BCL2: variants seen among roughly 807,000 people sequenced by gnomAD.
BCL2 encodes apoptosis regulator Bcl-2.
BCL2 carries 1 observed loss-of-function variant against 14.2 expected under a neutral mutation model. That is an observed-to-expected ratio of 0.07 (90% CI 0.02 to 0.33). The LOEUF is 0.33. BCL2 is among the 10% of genes least tolerant of loss of function. The probability of loss-of-function intolerance (pLI) is 0.99; values close to 1 mark genes in which losing one functional copy is unlikely to be tolerated. For missense variants in BCL2, 247 were observed against 305.9 expected, an observed-to-expected ratio of 0.81 and a Z score of 1.44; for synonymous variants, 151 against 137.2, an observed-to-expected ratio of 1.10 and a Z score of -0.70.
At position 63,150,706 on chromosome 18, in the gene BCL2, GA is replaced by G. The variant is rs137982378; in HGVS notation, c.586-21948del. The stretch of plus-strand genomic sequence containing the variant: ...TGATATTCCAGCAGTCTCCAGGTAG[GA>G]AAAAAGAAGTCGATTTAAATATGAA... On this transcript the variant is annotated intron_variant, in intron 2 of 2. Coordinates refer to ENST00000333681, the MANE Select transcript of BCL2 (RefSeq NM_000633.3). Among the ~76,000 whole-genome samples the G allele has an allele frequency of 9.6e-3, 1,463 of 152,196 alleles. 28 individuals are homozygous for G. Among genetic ancestry groups the G allele is most frequent in the African/African-American group, 0.034 (1,399 of 41,536 alleles).
chr18:63,302,566 G>A (rs1233321945), intron 2 of BCL2: 11 of 984,990 alleles, frequency 1.1e-5, no homozygotes, highest in Non-Finnish European at 1.3e-5. Flanking sequence ...TTTTTAATAT[G>A]TGCTTTATTA....
intron 2 of BCL2, among the ~76,000 whole-genome samples, chr18:63,198,786 G>GACACACACACAGACAT: frequency 2.9e-5 from 1 of 34,424 alleles, no homozygotes; most frequent in African/African-American, 1.1e-4. Context: ...CAGACACAGA[G>GACACACACACAGACAT]ACACAGACAC....
chr18:63,219,458 T>C (rs891057427), intron 2 of BCL2, among the ~76,000 whole-genome samples: 1 of 146,888 alleles, frequency 6.8e-6, no homozygotes, highest in Non-Finnish European at 1.5e-5. Context: ...GAACTTTTTT[T>C]TTTTTTTTTT....
At position 63,276,931 on chromosome 18, in the gene BCL2, A is replaced by C. The variant is rs765953919; in HGVS notation, c.585+41151T>G. On this transcript the variant is annotated intron_variant, in intron 2 of 2. Transcript: ENST00000333681. The stretch of plus-strand genomic sequence containing the variant: ...GGGTAGATAGGTTATATTTTCTACA[A>C]ATTTCATCATTGAAGAGTGAAAAGG... Among the ~76,000 whole-genome samples the C allele has an allele frequency of 4.5e-4, 69 of 152,204 alleles. 2 individuals carry two copies. Among genetic ancestry groups the C allele is most frequent in the Admixed American group, 2.0e-3 (30 of 15,280 alleles).
intron 2 of BCL2, among the ~76,000 whole-genome samples, chr18:63,184,670 A>G (rs1915550595): frequency 6.6e-6 from 1 of 152,242 alleles, no homozygotes. Flanking sequence ...GGAGAGTAGG[A>G]TGGAAGCAGA....
At chr18:63,129,500 A>T (rs1444451849) in intron 2 of BCL2, among the ~76,000 whole-genome samples, 3 of 152,048 alleles carry the variant, frequency 2.0e-5, no homozygotes, top group Non-Finnish European at 4.4e-5. Context: ...GCTGGTCTTG[A>T]ACTCCTGGGC....
intron 2 of BCL2, among the ~76,000 whole-genome samples, chr18:63,299,138 C>T (rs1599298489): frequency 6.6e-6 from 1 of 152,344 alleles, no homozygotes; most frequent in East Asian, 1.9e-4. Context: ...AAGAGTTGGG[C>T]AAAGTACAGG....
At chr18:63,169,389 T>TTC (rs1218834455) in intron 2 of BCL2, among the ~76,000 whole-genome samples, 10,316 of 40,610 alleles carry the variant, frequency 0.25, 1,559 homozygotes, top group East Asian at 0.52. Context: ...CTTTCTTTCT[T>TTC]TTTCTTTCTT....
chr18:63,134,609 T>C lies in BCL2; in HGVS notation c.586-5850A>G, dbSNP rs115680042. Among the ~76,000 whole-genome samples the C allele has an allele frequency of 4.0e-3, 604 of 152,220 alleles. 2 individuals carry two copies. The highest frequency in any genetic ancestry group is 0.014 in the African/African-American group (580 of 41,522). ...TTCGAAATTCAGCTACATTCCACAG[T>C]CTTTGAGCTGACTATGCATGCAGAC... On this transcript the variant is annotated intron_variant, in intron 2 of 2. Transcript: ENST00000333681.
intron 2 of BCL2, among the ~76,000 whole-genome samples, chr18:63,204,364 T>C (rs1438611839): frequency 6.6e-6 from 1 of 152,208 alleles, no homozygotes; most frequent in Non-Finnish European, 1.5e-5. Context: ...GGGATTCAAG[T>C]AGAAGCTTAA....
intron 2 of BCL2, among the ~76,000 whole-genome samples, chr18:63,215,284 C>A (rs1910168697): frequency 1.3e-5 from 2 of 152,286 alleles, no homozygotes; most frequent in African/African-American, 4.8e-5. Context: ...CTATTCCAAT[C>A]TAAAAATCTA....
chr18:63,240,569 A>C (rs1407993943), intron 2 of BCL2, among the ~76,000 whole-genome samples: 1 of 152,246 alleles, frequency 6.6e-6, no homozygotes, highest in African/African-American at 2.4e-5. Flanking sequence ...TTTGGATACT[A>C]CAATTTATAA....
chr18:63,248,615 T>C (rs958078231), intron 2 of BCL2, among the ~76,000 whole-genome samples: 7 of 152,204 alleles, frequency 4.6e-5, no homozygotes, highest in Admixed American at 6.5e-5. Context: ...AAGAGCTTCA[T>C]AGAGAGACAG....
chr18:63,292,567 T>C (rs1386929802), intron 2 of BCL2, among the ~76,000 whole-genome samples: 1 of 152,068 alleles, frequency 6.6e-6, no homozygotes, highest in Admixed American at 6.5e-5. Flanking sequence ...CAGAAGGAAA[T>C]GGGTTCATGT....
At chr18:63,206,399 C>T (rs1391242134) in intron 2 of BCL2, among the ~76,000 whole-genome samples, 1 of 152,262 alleles carries the variant, frequency 6.6e-6, no homozygotes, top group African/African-American at 2.4e-5. Context: ...TCCCTAGGAT[C>T]TCTCATCATC....
intron 2 of BCL2, among the ~76,000 whole-genome samples, chr18:63,254,664 T>C (rs1911419889): frequency 6.6e-6 from 1 of 152,178 alleles, no homozygotes; most frequent in Non-Finnish European, 1.5e-5. Context: ...AACATCCATA[T>C]GTTTGTGTTA....
chr18:63,271,182 A>G (rs1297884077), intron 2 of BCL2, among the ~76,000 whole-genome samples: 1 of 152,208 alleles, frequency 6.6e-6, no homozygotes, highest in African/African-American at 2.4e-5. Context: ...TTTTAAAGCA[A>G]AAGAGATATA....
intron 2 of BCL2, among the ~76,000 whole-genome samples, chr18:63,263,799 G>A (rs184947639): frequency 2.6e-5 from 4 of 152,142 alleles, no homozygotes; most frequent in Non-Finnish European, 5.9e-5. Context: ...CCATACAATC[G>A]GAATAATGGG....
At chr18:63,207,187 C>T (rs1599244556) in intron 2 of BCL2, among the ~76,000 whole-genome samples, 2 of 152,216 alleles carry the variant, frequency 1.3e-5, no homozygotes, top group East Asian at 3.9e-4. Flanking sequence ...GACCGCCAAG[C>T]GTTCCAGGTG....
Sources: allele counts gnomAD v4.1 joint callset (sites outside exome capture counted in the v4.1 genomes callset), GRCh38; gene constraint gnomAD v4.1.1; transcripts MANE v1.5; gene names NCBI Gene and HGNC (gene_info 2026-07-23, HGNC 2026-07-21).